Variants in VEZT observed in about 807,000 individuals in gnomAD.
The protein encoded by VEZT is vezatin, adherens junctions transmembrane protein.
Under a neutral mutation model 79.9 loss-of-function variants are expected in VEZT, and 39 were observed. The observed-to-expected ratio is 0.49, with a 90% confidence interval of 0.38 to 0.64. The LOEUF (loss-of-function observed/expected upper bound fraction) is 0.64, where lower values mean the gene tolerates loss of function less well. VEZT is among the 30% of genes least tolerant of loss of function. The probability of loss-of-function intolerance (pLI) is 0.00; values close to 1 mark genes in which losing one functional copy is unlikely to be tolerated. For synonymous variants in VEZT, 325 were observed against 327.6 expected, an observed-to-expected ratio of 0.99 and a Z score of 0.09; for missense variants, 837 against 893.1, an observed-to-expected ratio of 0.94 and a Z score of 0.80.
intron 4 of VEZT, 100 bp downstream of exon 4, chr12:95,263,181 C>A: frequency 9.1e-7 from 1 of 1,092,964 alleles, no homozygotes; most frequent in Non-Finnish European, 1.3e-6. Context: ...ATAAACATTC[C>A]ATACATTTAG....
At chr12:95,297,389 T>C (rs1275182376) in intron 11 of VEZT, among the ~76,000 whole-genome samples, 1 of 151,512 alleles carries the variant, frequency 6.6e-6, no homozygotes, top group Non-Finnish European at 1.5e-5. Flanking sequence ...GGAAAGTTCC[T>C]CCAGTTCTCT....
intron 6 of VEZT, among the ~76,000 whole-genome samples, chr12:95,274,124 A>G (rs183962090): frequency 6.6e-6 from 1 of 152,210 alleles, no homozygotes; most frequent in Admixed American, 6.5e-5. Context: ...GAGGGCCCTG[A>G]ACCATGACAC....
intron 1 of VEZT, chr12:95,242,315 G>C (rs999582439): frequency 3.3e-5 from 5 of 152,122 alleles, no homozygotes; most frequent in African/African-American, 9.7e-5. Flanking sequence ...GGGCAGCATA[G>C]TGAGACCCCA....
chr12:95,220,888 T>C (rs1244925316), intron 1 of VEZT, among the ~76,000 whole-genome samples: 2 of 152,210 alleles, frequency 1.3e-5, no homozygotes, highest in African/African-American at 4.8e-5. Flanking sequence ...AGCAAATACC[T>C]AGATATTTCT....
intron 2 of VEZT, among the ~76,000 whole-genome samples, chr12:95,256,303 G>A (rs867326784): frequency 2.0e-5 from 3 of 151,964 alleles, no homozygotes; most frequent in Admixed American, 1.3e-4. Context: ...CGCCCTCCTC[G>A]GCCTCCCAAA....
chr12:95,232,662 C>T (rs111774897), intron 1 of VEZT, among the ~76,000 whole-genome samples: 2 of 152,158 alleles, frequency 1.3e-5, no homozygotes, highest in South Asian at 2.1e-4. Flanking sequence ...TGACATCTGA[C>T]ATCTGACAAT....
rs115984278 is a variant in VEZT at position 95,283,483 on chromosome 12, G to T, written c.1328+839G>T. Among the ~76,000 whole-genome samples the T allele has an allele frequency of 5.9e-3, 896 of 152,266 alleles. 12 individuals are homozygous for T. Among genetic ancestry groups the T allele is most frequent in the African/African-American group, 0.02 (848 of 41,548 alleles). On this transcript the variant is annotated intron_variant, in intron 8 of 11. Coordinates refer to ENST00000436874, the MANE Select transcript of VEZT (RefSeq NM_017599.4). Reference sequence around the variant, plus strand: ...TGACAAGATTGTAGTTGATGTACTTGACCCTGGGATACAAGGCAAGAAGTG... The same window carrying T: ...TGACAAGATTGTAGTTGATGTACTTTACCCTGGGATACAAGGCAAGAAGTG...
chr12:95,223,171 T>C (rs2057884408), intron 1 of VEZT, among the ~76,000 whole-genome samples: 1 of 152,192 alleles, frequency 6.6e-6, no homozygotes, highest in African/African-American at 2.4e-5. Context: ...TAAATAAAAA[T>C]AACAGTAACT....
rs758709395 is a variant in VEZT at position 95,282,387 on chromosome 12, T to A, written c.1071T>A (p.Asn357Lys). ...RRLALLLSTA[N>K]SPPGPLLTPA... ...TAGCCCTATTACTTTCTACAGCCAA[T>A]TCACCTCCTGGGCCCTTACTTACTC... The change falls in exon 8 of 12, where the codon AAT becomes AAA. Residue 357 changes from asparagine to lysine, a missense_variant. Physicochemically the swap from Asn to Lys is moderately conservative, Grantham distance 94. Coordinates refer to ENST00000436874, the MANE Select transcript of VEZT (RefSeq NM_017599.4). The A allele has an allele frequency of 6.2e-7, 1 of 1,613,988 alleles. No individual in the cohort carries two copies. Among genetic ancestry groups the A allele is most frequent in the Non-Finnish European group, 8.5e-7 (1 of 1,179,878 alleles).
chr12:95,221,565 C>T (rs2033832257), intron 1 of VEZT, among the ~76,000 whole-genome samples: 1 of 151,116 alleles, frequency 6.6e-6, no homozygotes, highest in South Asian at 2.1e-4. Flanking sequence ...TACTCTGGCC[C>T]AGTGAGGTGG....
chr12:95,218,184 C>T (rs1425048329), intron 1 of VEZT: 10 of 276,148 alleles, frequency 3.6e-5, no homozygotes, highest in Non-Finnish European at 6.8e-6. Flanking sequence ...GGATGTGCGG[C>T]GGGGGGGACT....
chr12:95,276,588 A>G (rs1316265818), intron 7 of VEZT, among the ~76,000 whole-genome samples: 1 of 152,012 alleles, frequency 6.6e-6, no homozygotes, highest in Non-Finnish European at 1.5e-5. Flanking sequence ...TATTTTTAAG[A>G]CATTGATCCA....
intron 11 of VEZT, chr12:95,297,088 C>G (rs1222457588): frequency 6.6e-6 from 1 of 152,280 alleles, no homozygotes; most frequent in East Asian, 1.9e-4. Flanking sequence ...ACTCCCCATA[C>G]TCTGATTTCA....
In VEZT at chr12:95,251,875, T is replaced by G. The variant is rs972178736; in HGVS notation, c.37-65T>G. On this transcript the variant is annotated intron_variant, in intron 1 of 11. Coordinates refer to ENST00000436874, the MANE Select transcript of VEZT (RefSeq NM_017599.4). ...ACAATAGTGAAGTCTGGTATTAAGTTTGGCCCCCGAAACTTTTGAAGTAGT... is the reference window on the plus strand; with the variant it reads ...ACAATAGTGAAGTCTGGTATTAAGTGTGGCCCCCGAAACTTTTGAAGTAGT... The G allele has an allele frequency of 1.3e-5, 19 of 1,512,776 alleles. No individual in the cohort carries two copies. In the African/African-American group the frequency reaches 2.4e-4, roughly 19 times the overall value. The allele number at this position is 1,512,776 out of a possible 1,614,324, so 93.7% of individuals were successfully genotyped here.
At chr12:95,270,288 T>C in intron 6 of VEZT, 100 bp downstream of exon 6, 1 of 1,240,168 alleles carries the variant, frequency 8.1e-7, no homozygotes, top group Non-Finnish European at 1.1e-6. Flanking sequence ...TAAAGTGAGA[T>C]TGCCTATTTT....
At chr12:95,225,610 T>C (rs777371796) in intron 1 of VEZT, among the ~76,000 whole-genome samples, 1 of 151,908 alleles carries the variant, frequency 6.6e-6, no homozygotes, top group Non-Finnish European at 1.5e-5. Context: ...CATCTGCCTC[T>C]CAATAACCTA....
chr12:95,279,156 A>T (rs1344714003), intron 7 of VEZT, among the ~76,000 whole-genome samples: 2 of 152,216 alleles, frequency 1.3e-5, no homozygotes, highest in Non-Finnish European at 2.9e-5. Flanking sequence ...GGATTTTTTC[A>T]GATTTTGGAA....
At chr12:95,251,135 C>G (rs1339429094) in intron 1 of VEZT, among the ~76,000 whole-genome samples, 1 of 152,066 alleles carries the variant, frequency 6.6e-6, no homozygotes, top group Non-Finnish European at 1.5e-5. Flanking sequence ...CTCAGCCTCC[C>G]GAGTAGATGG....
intron 7 of VEZT, among the ~76,000 whole-genome samples, chr12:95,280,018 G>C (rs2068645766): frequency 6.6e-6 from 1 of 152,068 alleles, no homozygotes. Context: ...TGTTAGTTCT[G>C]CTTTCACAAT....
Sources: gnomAD v4.1 joint callset for allele counts (sites outside exome capture counted in the v4.1 genomes callset) on GRCh38, gnomAD v4.1.1 for gene constraint, MANE v1.5 for transcripts, NCBI Gene and HGNC (gene_info 2026-07-23, HGNC 2026-07-21) for gene names.